The following NRXN2 variants were observed in gnomAD, a reference collection of about 807,000 sequenced individuals.
NRXN2 encodes the protein neurexin 2.
NRXN2 carries 29 observed loss-of-function variants against 128.8 expected under a neutral mutation model. The observed-to-expected ratio is 0.23, with a 90% CI of 0.17 to 0.31. The LOEUF (loss-of-function observed/expected upper bound fraction) is 0.31. NRXN2 is among the 10% of genes least tolerant of loss of function. The probability of loss-of-function intolerance (pLI) is 1.00; values close to 1 mark genes in which losing one functional copy is unlikely to be tolerated. For synonymous variants in NRXN2, 1,098 were observed against 1,075.2 expected (o/e 1.02, Z -0.41); for missense variants, 1,881 against 2,452.6 (o/e 0.77, Z 4.92).
chr11:64,672,480 A>G (rs1307197462), intron 7 of NRXN2, among the ~76,000 whole-genome samples: 4 of 152,180 alleles, frequency 2.6e-5, no homozygotes, highest in Admixed American at 2.6e-4. Flanking sequence ...GGGGAGAACA[A>G]GACGGAGGGC....
intron 22 of NRXN2, among the ~76,000 whole-genome samples, chr11:64,614,384 C>T (rs535255338): frequency 3.3e-5 from 5 of 152,336 alleles, no homozygotes; most frequent in African/African-American, 1.2e-4. Flanking sequence ...TTACTTTGAA[C>T]CTTAAACCAC....
chr11:64,634,514 G>A lies in NRXN2; in HGVS notation c.3585+757C>T, dbSNP rs553543250. ...AGTCAAGGAGCTGCAGATATGGTAG[G>A]AGGCCCAGAGGGAGACCCTGGGAAG... On this transcript the variant is annotated intron_variant, in intron 18 of 22. Transcript: ENST00000265459. Among the ~76,000 whole-genome samples, 25 of 152,248 alleles carry A rather than the reference G, an allele frequency of 1.6e-4. 1 individual carries two copies. In the South Asian group the frequency reaches 3.3e-3, roughly 20 times the overall value.
At chr11:64,701,430 T>G (rs1004185904) in intron 2 of NRXN2, among the ~76,000 whole-genome samples, 2 of 152,228 alleles carry the variant, frequency 1.3e-5, no homozygotes, top group South Asian at 4.1e-4. Context: ...TAAGAAAATC[T>G]ACTCTTTCTT....
At position 64,607,252 on chromosome 11, in the gene NRXN2, C is replaced by T; in HGVS notation, c.5083G>A (p.Ala1695Thr). ...TTGGCCTTGCTGGGCGTCTTGGGGG[C>T]AGCCGGGGCCTTCTCTTTCACCACC... ...GAVVKEKAPA[A>T]PKTPSKAKKN... is the part of the protein sequence containing the mutation. Residue 1695 changes from alanine (A) to threonine (T), a missense_variant, in exon 23 of 23, where the codon GCC (alanine) becomes ACC (threonine). Physicochemically the swap from Ala to Thr is moderately conservative, Grantham distance 58. Around this residue, in one of 7 missense-constraint regions of NRXN2, gnomAD observed 63 missense variants for 76.0 expected, o/e 0.83. Coordinates refer to ENST00000265459, the MANE Select transcript of NRXN2 (RefSeq NM_015080.4). The T allele has an allele frequency of 6.2e-7, 1 of 1,614,012 alleles. No homozygotes were observed. Among genetic ancestry groups the T allele is most frequent in the South Asian group, 1.1e-5 (1 of 91,066 alleles).
At position 64,648,797 on chromosome 11, in the gene NRXN2, G is replaced by A. The variant is rs778801554; in HGVS notation, c.3220C>T (p.Arg1074Cys). 34 of 1,614,066 alleles carry A rather than the reference G, an allele frequency of 2.1e-5. No individual in the cohort carries two copies. Among genetic ancestry groups the A allele is most frequent in the Middle Eastern group, 1.6e-4 (1 of 6,084 alleles). Residue 1074 changes from arginine (R) to cysteine (C), a missense_variant, in exon 16 of 23, where the codon CGT (arginine) becomes TGT (cysteine). Around this residue, in one of 7 missense-constraint regions of NRXN2, gnomAD observed 390 missense variants for 599.6 expected, o/e 0.65. Transcript: ENST00000265459. The surrounding 1 kb of genome is among the most constrained non-coding windows in gnomAD (Gnocchi z 4.1). The part of the protein sequence containing the change: ...GCLASVDLNG[R>C]LPDLIADALH... The stretch of plus-strand genomic sequence containing the variant: ...GCGTCGGCGATGAGGTCTGGGAGAC[G>A]TCCGTTGAGGTCCACTGAGGCCAGG...
intron 1 of NRXN2, among the ~76,000 whole-genome samples, chr11:64,716,973 C>T (rs906378137): frequency 5.9e-5 from 9 of 152,030 alleles, no homozygotes; most frequent in Admixed American, 3.3e-4. Flanking sequence ...AGGCTGCTGC[C>T]GACCCAGCCT....
chr11:64,691,143 G>A (rs1270981692), intron 4 of NRXN2, among the ~76,000 whole-genome samples: 1 of 152,228 alleles, frequency 6.6e-6, no homozygotes, highest in Non-Finnish European at 1.5e-5. Flanking sequence ...GCTTCCCAGA[G>A]ATTTCCAGGG....
intron 17 of NRXN2, among the ~76,000 whole-genome samples, chr11:64,644,293 C>G (rs71579878): frequency 6.6e-6 from 1 of 151,970 alleles, no homozygotes; most frequent in African/African-American, 2.4e-5. Flanking sequence ...CACACACGTA[C>G]AACTCCCCAC....
In NRXN2 at chr11:64,660,224, TGAGGGCACCTCTTG is replaced by T; in HGVS notation, c.2389+94_2389+107del. Reference sequence around the variant, plus strand: ...GCGCCTCCCCACCTCCAAACTCTGCTGAGGGCACCTCTTGCTGGTGCCACCACCAGCTTCTCCAG... The same window carrying T: ...GCGCCTCCCCACCTCCAAACTCTGCTCTGGTGCCACCACCAGCTTCTCCAG... On this transcript the variant is annotated intron_variant, in intron 11 of 22. Coordinates refer to ENST00000265459, the MANE Select transcript of NRXN2 (RefSeq NM_015080.4). This position sits in a 1 kb window ranked among gnomAD's most constrained non-coding sequence, Gnocchi z 5.2. The T allele has an allele frequency of 7.8e-7, 1 of 1,284,990 alleles. No homozygotes were observed. The highest frequency in any genetic ancestry group is 1.1e-6 in the Non-Finnish European group (1 of 886,200). 79.6% of individuals were successfully genotyped at this position (1,284,990 alleles called of 1,614,324 possible).
intron 1 of NRXN2, among the ~76,000 whole-genome samples, chr11:64,717,515 A>T (rs1270915146): frequency 6.6e-6 from 1 of 152,190 alleles, no homozygotes; most frequent in African/African-American, 2.4e-5. Flanking sequence ...GGGGGTGGCT[A>T]GGCTGCCCTC....
At chr11:64,619,856 A>G (rs2042051641) in intron 22 of NRXN2, among the ~76,000 whole-genome samples, 1 of 152,142 alleles carries the variant, frequency 6.6e-6, no homozygotes, top group South Asian at 2.1e-4. Context: ...AGGATCCAGC[A>G]GAGATCTCCT....
At chr11:64,690,589 G>T in intron 4 of NRXN2, 113 bp from the exon 5 acceptor site, 1 of 933,480 alleles carries the variant, frequency 1.1e-6, no homozygotes. Flanking sequence ...GCACGGACAG[G>T]GGAGGAGAGG....
intron 17 of NRXN2, among the ~76,000 whole-genome samples, chr11:64,647,992 TC>T (rs1165619280): frequency 6.6e-6 from 1 of 151,860 alleles, no homozygotes; most frequent in African/African-American, 2.4e-5. Context: ...TATCAGTGGG[TC>T]CCCCCAGAGC....
chr11:64,615,217 T>G (rs772957436), intron 22 of NRXN2, among the ~76,000 whole-genome samples: 1 of 152,152 alleles, frequency 6.6e-6, no homozygotes, highest in Non-Finnish European at 1.5e-5. Flanking sequence ...CCACCACAAC[T>G]CAGGAAGTCA....
Position 64,665,008 on chromosome 11 carries a change from C to A in NRXN2, c.1798+2242G>T, listed in dbSNP as rs368734104. ...TCGTCTCAAAAAAAAAAAGGCCGGG[C>A]GCGGTGGCTCACGCCTGTAATCCCA... On this transcript the variant is annotated intron_variant, in intron 9 of 22. Transcript: ENST00000265459. Among the ~76,000 whole-genome samples, 344 of 142,458 alleles carry A rather than the reference C, an allele frequency of 2.4e-3. 2 individuals carry two copies. The highest frequency in any genetic ancestry group is 8.7e-3 in the African/African-American group (330 of 37,952). The allele number at this position is 142,458 out of a possible 152,430, so 93.5% of individuals were successfully genotyped here.
Position 64,667,168 on chromosome 11 carries a change from C to T in NRXN2, c.1798+82G>A, listed in dbSNP as rs1591963962. On this transcript the variant is annotated intron_variant, in intron 9 of 22. Transcript: ENST00000265459. This position sits in a 1 kb window ranked among gnomAD's most constrained non-coding sequence, Gnocchi z 5.6. ...TATAGGAAATGGTGTAGAAGAGACC[C>T]GCTGAAGAGAGACGGAGAGGATGTC... 14 of 1,408,458 alleles carry T rather than the reference C, an allele frequency of 9.9e-6. No homozygotes were observed. Among genetic ancestry groups the T allele is most frequent in the East Asian group, 4.7e-5 (2 of 42,884 alleles). 87.2% of individuals were successfully genotyped at this position (1,408,458 alleles called of 1,614,324 possible).
chr11:64,652,221 T>C (rs1017528562), intron 12 of NRXN2, 67 bp from the exon 13 acceptor site: 28 of 1,548,048 alleles, frequency 1.8e-5, no homozygotes, highest in African/African-American at 1.8e-4. Context: ...CTATATCACC[T>C]TGGATACACA....
intron 20 of NRXN2, among the ~76,000 whole-genome samples, chr11:64,624,355 C>G (rs1277187200): frequency 6.6e-6 from 1 of 152,206 alleles, no homozygotes; most frequent in East Asian, 1.9e-4. Context: ...GGGTGTCTCC[C>G]CAGCCCCCCA....
chr11:64,667,748 T>A lies in NRXN2; in HGVS notation c.1360-60A>T, dbSNP rs556871075. On this transcript the variant is annotated intron_variant, in intron 8 of 22. Coordinates refer to ENST00000265459, the MANE Select transcript of NRXN2 (RefSeq NM_015080.4). This position sits in a 1 kb window ranked among gnomAD's most constrained non-coding sequence, Gnocchi z 5.6. ...CGAAAGCAGCTTAGGGCCTGGCCAC[T>A]CCCACCCAGCAGCGAGCACCAGGGG... The A allele has an allele frequency of 6.0e-5, 93 of 1,553,216 alleles. 1 individual carries two copies. In the South Asian group the frequency reaches 6.0e-4, roughly 10 times the overall value.
Sources: gnomAD v4.1 joint callset for allele counts (sites outside exome capture counted in the v4.1 genomes callset) on GRCh38, gnomAD v4.1.1 for gene constraint, gnomAD v4.1.1 regional missense constraint, Gnocchi (gnomAD v3.1) non-coding constraint, MANE v1.5 for transcripts, NCBI Gene and HGNC (gene_info 2026-07-23, HGNC 2026-07-21) for gene names.